SLC37A3: variants seen among roughly 807,000 people sequenced by gnomAD.
The protein encoded by SLC37A3 is solute carrier family 37 member 3.
In SLC37A3, 51 loss-of-function variants were observed where a neutral mutation model predicts 67.1. That is an observed-to-expected ratio of 0.76 (90% CI 0.61 to 0.96). SLC37A3 has a LOEUF of 0.96. Among genes scored for constraint, SLC37A3 ranks in the 40% least tolerant of loss-of-function variants. SLC37A3 has a pLI of 0.00. For synonymous variants in SLC37A3, 214 were observed against 231.4 expected (o/e 0.92, Z 0.68); for missense variants, 508 against 603.0 (o/e 0.84, Z 1.65).
chr7:140,356,336 A>G (rs970495690), intron 6 of SLC37A3, among the ~76,000 whole-genome samples: 1 of 152,186 alleles, frequency 6.6e-6, no homozygotes, highest in Non-Finnish European at 1.5e-5. Context: ...AAAAGTGGGC[A>G]AAAGATTTTA....
chr7:140,350,237 C>T (rs752012565), intron 9 of SLC37A3, among the ~76,000 whole-genome samples: 7 of 152,132 alleles, frequency 4.6e-5, no homozygotes, highest in East Asian at 1.9e-4. Context: ...GACACACGGA[C>T]GGGTTGCGTG....
chr7:140,383,078 G>A (rs1798319085), intron 1 of SLC37A3, among the ~76,000 whole-genome samples: 1 of 152,004 alleles, frequency 6.6e-6, no homozygotes, highest in African/African-American at 2.4e-5. Flanking sequence ...AATATCATAG[G>A]AGGACAATCT....
chr7:140,371,622 A>G (rs1797824605), intron 3 of SLC37A3, among the ~76,000 whole-genome samples: 1 of 152,168 alleles, frequency 6.6e-6, no homozygotes, highest in Non-Finnish European at 1.5e-5. Context: ...CAGTGAAAAG[A>G]ACCCATGGTT....
intron 9 of SLC37A3, among the ~76,000 whole-genome samples, chr7:140,350,887 A>C (rs1050174769): frequency 6.6e-6 from 1 of 151,848 alleles, no homozygotes; most frequent in Non-Finnish European, 1.5e-5. Flanking sequence ...AGCACACATT[A>C]AAAATTATCA....
chr7:140,352,180 A>G (rs1796838724), intron 7 of SLC37A3, 34 bp from the exon 8 acceptor site: 1 of 1,270,040 alleles, frequency 7.9e-7, no homozygotes, highest in East Asian at 4.6e-5. Context: ...GTCCTTACAT[A>G]TCTGGGGACA....
chr7:140,378,774 G>A lies in SLC37A3; in HGVS notation c.198+1508C>T, dbSNP rs139460913. Among the ~76,000 whole-genome samples, 700 of 151,704 alleles carry A rather than the reference G, an allele frequency of 4.6e-3. 9 individuals are homozygous for A. Among genetic ancestry groups the A allele is most frequent in the African/African-American group, 0.015 (640 of 41,382 alleles). On this transcript the variant is annotated intron_variant, in intron 3 of 14. Transcript: ENST00000326232. ...AAAAGATTTATGATTCTGGCCGGGC[G>A]CAGTGGCCCACGCCTGTAATACCAA...
At chr7:140,341,331 C>T (rs78619135) in intron 13 of SLC37A3, among the ~76,000 whole-genome samples, 3,771 of 152,150 alleles carry the variant, frequency 0.025, 68 homozygotes, top group Non-Finnish European at 0.033. Context: ...AACAAAAGCA[C>T]TAAGCATTGG....
At chr7:140,346,104 G>T (rs1796548586) in intron 10 of SLC37A3, 134 bp from the exon 11 acceptor site, 2 of 651,438 alleles carry the variant, frequency 3.1e-6, no homozygotes, top group Admixed American at 4.5e-5. Flanking sequence ...GCTGGGCCGG[G>T]CTCGGTGGCT....
intron 9 of SLC37A3, among the ~76,000 whole-genome samples, chr7:140,349,429 C>G (rs1796704523): frequency 6.6e-6 from 1 of 151,776 alleles, no homozygotes; most frequent in Admixed American, 6.6e-5. Flanking sequence ...GTGGCTCTCC[C>G]TTGAGGGGAA....
intron 1 of SLC37A3, among the ~76,000 whole-genome samples, chr7:140,390,598 TG>T (rs1798689001): frequency 6.6e-6 from 1 of 152,126 alleles, no homozygotes; most frequent in African/African-American, 2.4e-5. Flanking sequence ...TGTCAGGGAC[TG>T]ATCTCCCTCG....
chr7:140,385,819 G>A (rs1240071141), intron 1 of SLC37A3, among the ~76,000 whole-genome samples: 1 of 152,102 alleles, frequency 6.6e-6, no homozygotes. Context: ...GTCTGGCTCT[G>A]TTGCCCAGGC....
chr7:140,392,425 T>C (rs1798757632), intron 1 of SLC37A3, among the ~76,000 whole-genome samples: 1 of 152,152 alleles, frequency 6.6e-6, no homozygotes, highest in Admixed American at 6.5e-5. Flanking sequence ...AGCCTCCAGA[T>C]GGATAAGCTC....
chr7:140,382,341 G>T, intron 2 of SLC37A3, 97 bp downstream of exon 2: 1 of 964,100 alleles, frequency 1.0e-6, no homozygotes, highest in Non-Finnish European at 1.6e-6. Context: ...AACATTATAA[G>T]TGTATGCCCA....
chr7:140,377,974 A>T (rs1224247998), intron 3 of SLC37A3, among the ~76,000 whole-genome samples: 1 of 152,110 alleles, frequency 6.6e-6, no homozygotes, highest in Non-Finnish European at 1.5e-5. Context: ...TGCTGAGTTT[A>T]CCTTGTATCC....
Position 140,352,129 on chromosome 7 carries a change from C to A in SLC37A3, c.636G>T (p.Thr212=). The A allele has an allele frequency of 6.2e-7, 1 of 1,612,782 alleles. No homozygotes were observed. The highest frequency in any genetic ancestry group is 8.5e-7 in the Non-Finnish European group (1 of 1,179,694). ...QYGYEYAFLV[T]ASVQFAGGIV... The stretch of plus-strand genomic sequence containing the variant: ...TCCCACCAGCAAACTGCACAGACGC[C>A]GTCACCAGAAAGGCATACTGGAGGA... The change falls in exon 8 of 15, where the codon ACG becomes ACT. Residue 212 remains threonine (T), a synonymous_variant. Coordinates refer to ENST00000326232, the MANE Select transcript of SLC37A3 (RefSeq NM_207113.3).
intron 6 of SLC37A3, among the ~76,000 whole-genome samples, chr7:140,356,055 G>A (rs1016002158): frequency 1.3e-5 from 2 of 151,720 alleles, no homozygotes; most frequent in Admixed American, 6.6e-5. Flanking sequence ...TCAGTTGGGC[G>A]TGGTGGCAGG....
At chr7:140,362,004 G>GC (rs905304583) in intron 5 of SLC37A3, among the ~76,000 whole-genome samples, 7 of 129,316 alleles carry the variant, frequency 5.4e-5, no homozygotes, top group South Asian at 3.0e-4. Context: ...TCTCTGCCTG[G>GC]CCCCCCATCG....
chr7:140,382,724 A>G (rs933046918), intron 1 of SLC37A3, 128 bp from the exon 2 acceptor site: 2 of 447,304 alleles, frequency 4.5e-6, no homozygotes, highest in African/African-American at 3.9e-5. Context: ...CCTAGTTGAC[A>G]CCAGAAAACT....
intron 1 of SLC37A3, among the ~76,000 whole-genome samples, chr7:140,390,970 TGA>T (rs1798705107): frequency 6.6e-6 from 1 of 152,144 alleles, no homozygotes; most frequent in Admixed American, 6.6e-5. Flanking sequence ...CCAAAGCAGC[TGA>T]GTTTTGCCAC....
Sources: allele counts gnomAD v4.1 joint callset (sites outside exome capture counted in the v4.1 genomes callset), GRCh38; gene constraint gnomAD v4.1.1; transcripts MANE v1.5; gene names NCBI Gene and HGNC (gene_info 2026-07-23, HGNC 2026-07-21).